Variants in RNF169 observed in about 807,000 individuals in gnomAD.
RNF169 encodes E3 ubiquitin-protein ligase RNF169.
Under a neutral mutation model 53.9 loss-of-function variants are expected in RNF169, and 24 were observed. The observed-to-expected ratio is 0.45, with a 90% CI of 0.32 to 0.63. RNF169 has a LOEUF of 0.63. RNF169 is among the 20% of genes least tolerant of loss of function. The pLI is 0.04. For synonymous variants in RNF169, 396 were observed against 363.5 expected (o/e 1.09, Z -1.02); for missense variants, 883 against 906.2 (o/e 0.97, Z 0.33).
At chr11:74,827,318 A>G (rs1181593169) in intron 4 of RNF169, among the ~76,000 whole-genome samples, 1 of 152,204 alleles carries the variant, frequency 6.6e-6, no homozygotes, top group Non-Finnish European at 1.5e-5. Flanking sequence ...GACTTCACAA[A>G]GCAGCAAGGC....
Position 74,839,487 on chromosome 11 carries a change from CAG to C in RNF169, c.*2759_*2760del, listed in dbSNP as rs1565191581. On this transcript the variant is annotated 3_prime_UTR_variant, in exon 6 of 6. Transcript: ENST00000299563. ...GAACAGAAAAGGACAAGGAAGGAAA[CAG>C]AACGATGGGAAGGGTTTGTGAGCTA... 2 of 152,166 alleles carry C rather than the reference CAG, an allele frequency of 1.3e-5. No individual in the cohort carries two copies. The highest frequency in any genetic ancestry group is 2.9e-5 in the Non-Finnish European group (2 of 68,032). The allele number at this position is 152,166 out of a possible 1,614,324, so 9.4% of individuals were successfully genotyped here.
chr11:74,789,556 T>C, intron 1 of RNF169, 70 bp from the exon 2 acceptor site: 3 of 866,426 alleles, frequency 3.5e-6, no homozygotes, highest in Admixed American at 3.9e-5. Flanking sequence ...ATAACCCACA[T>C]GTATTGTGCC....
At chr11:74,750,125 A>G (rs2034863952) in intron 1 of RNF169, among the ~76,000 whole-genome samples, 1 of 143,678 alleles carries the variant, frequency 7.0e-6, no homozygotes, top group Non-Finnish European at 1.6e-5. Context: ...TGGCAATTAA[A>G]AGTCTGTTGT....
chr11:74,774,882 C>G (rs562473067), intron 1 of RNF169, among the ~76,000 whole-genome samples: 1 of 152,216 alleles, frequency 6.6e-6, no homozygotes, highest in East Asian at 1.9e-4. Flanking sequence ...TTGCTTGAAT[C>G]TGGGAGGCAG....
intron 1 of RNF169, among the ~76,000 whole-genome samples, chr11:74,776,964 A>G (rs2035345504): frequency 6.6e-6 from 1 of 152,182 alleles, no homozygotes; most frequent in African/African-American, 2.4e-5. Context: ...GGCAGTGGGA[A>G]GCCAATAAAA....
intron 1 of RNF169, among the ~76,000 whole-genome samples, chr11:74,768,538 C>A (rs115958889): frequency 0.02 from 3,072 of 150,282 alleles, 121 homozygotes; most frequent in African/African-American, 0.071. Flanking sequence ...ACCTGGGAAG[C>A]GGTGGCTGTA....
At chr11:74,758,721 G>A (rs942047057) in intron 1 of RNF169, among the ~76,000 whole-genome samples, 2 of 152,112 alleles carry the variant, frequency 1.3e-5, no homozygotes, top group Non-Finnish European at 2.9e-5. Flanking sequence ...AGCGGGGATG[G>A]TCTCGATCTC....
chr11:74,795,252 C>T (rs2035632121), intron 2 of RNF169, among the ~76,000 whole-genome samples: 1 of 137,896 alleles, frequency 7.3e-6, no homozygotes, highest in Non-Finnish European at 1.5e-5. Context: ...CAGGGTCTCA[C>T]TCTATCACCC....
At chr11:74,808,717 C>T (rs533790475) in intron 2 of RNF169, among the ~76,000 whole-genome samples, 108 of 152,312 alleles carry the variant, frequency 7.1e-4, no homozygotes, top group Middle Eastern at 3.4e-3. Context: ...AACCATTATG[C>T]TCCTCTGTCC....
intron 3 of RNF169, among the ~76,000 whole-genome samples, chr11:74,812,872 C>G (rs963403519): frequency 6.6e-6 from 1 of 152,156 alleles, no homozygotes; most frequent in East Asian, 1.9e-4. Flanking sequence ...AACATTTAGG[C>G]CCTCAGTGTG....
At chr11:74,805,036 A>G (rs1243537849) in intron 2 of RNF169, among the ~76,000 whole-genome samples, 1 of 152,234 alleles carries the variant, frequency 6.6e-6, no homozygotes, top group Non-Finnish European at 1.5e-5. Context: ...TTCCACTTGT[A>G]GCTATTTAGC....
chr11:74,810,311 T>C lies in RNF169; in HGVS notation c.704T>C (p.Leu235Pro), dbSNP rs565139879. The C allele has an allele frequency of 6.2e-7, 1 of 1,613,462 alleles. No individual in the cohort carries two copies. Among genetic ancestry groups the C allele is most frequent in the East Asian group, 2.2e-5 (1 of 44,858 alleles). ...EQKKRDEPLV[L>P]KTNLERCPAR... is the part of the protein sequence containing the mutation. ...AAAAAAAGAGATGAACCATTAGTAC[T>C]GAAAACAAATCTGGAACGTGTAAGT... Residue 235 changes from leucine (L) to proline (P), a missense_variant, in exon 3 of 6, where the codon CTG becomes CCG. By Grantham distance (98) the Leu-to-Pro change is moderately conservative. Around this residue, in one of 3 missense-constraint regions of RNF169, gnomAD observed 219 missense variants for 289.1 expected, o/e 0.76. Transcript: ENST00000299563.
chr11:74,775,088 G>C (rs2035313788), intron 1 of RNF169, among the ~76,000 whole-genome samples: 1 of 152,228 alleles, frequency 6.6e-6, no homozygotes, highest in Non-Finnish European at 1.5e-5. Flanking sequence ...GCTGGGACAA[G>C]AGCCCAAGAA....
chr11:74,801,952 T>C (rs762005583), intron 2 of RNF169, among the ~76,000 whole-genome samples: 11 of 152,192 alleles, frequency 7.2e-5, no homozygotes, highest in Non-Finnish European at 1.6e-4. Context: ...ATGAGTAAAA[T>C]GTTCATAACT....
At chr11:74,749,639 G>T (rs910020080) in intron 1 of RNF169, among the ~76,000 whole-genome samples, 2 of 152,116 alleles carry the variant, frequency 1.3e-5, no homozygotes, top group Admixed American at 1.3e-4. Flanking sequence ...GAGGGAAACA[G>T]AATTGTTGGA....
chr11:74,754,754 AG>A (rs557801872), intron 1 of RNF169, among the ~76,000 whole-genome samples: 2 of 152,190 alleles, frequency 1.3e-5, no homozygotes, highest in Non-Finnish European at 2.9e-5. Context: ...CGGGAGGTAG[AG>A]GTTGCAGTGA....
Position 74,749,518 on chromosome 11 carries a change from C to T in RNF169, c.502+136C>T, listed in dbSNP as rs915343825. ...TTCTCGTGGGATTAGAACCCGGGCT[C>T]TACCCAGGTGCAGTGTGTTTGTGAA... On this transcript the variant is annotated intron_variant, in intron 1 of 5. Transcript: ENST00000299563. 9.7e-6 allele frequency: 7 copies of T among 719,558 alleles called. No homozygotes were observed. The East Asian group carries it at 2.4e-4, about 25-fold the overall frequency. 44.6% of individuals were successfully genotyped at this position (719,558 alleles called of 1,614,324 possible). A position where few individuals can be genotyped will look rare whatever the true frequency, so the allele number is the denominator to read the frequency against.
At chr11:74,796,093 A>G (rs2035645369) in intron 2 of RNF169, among the ~76,000 whole-genome samples, 1 of 152,162 alleles carries the variant, frequency 6.6e-6, no homozygotes, top group South Asian at 2.1e-4. Flanking sequence ...TTAATCGACC[A>G]TTTGTATGTT....
At chr11:74,762,278 T>C (rs1318475858) in intron 1 of RNF169, among the ~76,000 whole-genome samples, 1 of 151,286 alleles carries the variant, frequency 6.6e-6, no homozygotes, top group Non-Finnish European at 1.5e-5. Context: ...AGTAATTTGA[T>C]CGTCTGAAGC....
Sources: gnomAD v4.1 joint callset for allele counts (sites outside exome capture counted in the v4.1 genomes callset) on GRCh38, gnomAD v4.1.1 for gene constraint, gnomAD v4.1.1 regional missense constraint, MANE v1.5 for transcripts, NCBI Gene and HGNC (gene_info 2026-07-23, HGNC 2026-07-21) for gene names.